Variants in PDE10A observed in about 807,000 individuals in gnomAD.
The protein encoded by PDE10A is cAMP and cAMP-inhibited cGMP 3',5'-cyclic phosphodiesterase 10A.
A neutral mutation model predicts 97.7 loss-of-function variants in PDE10A; 39 were observed. The observed-to-expected ratio is 0.40, with a 90% CI of 0.31 to 0.52. The LOEUF is 0.52. PDE10A is among the 20% of genes least tolerant of loss of function. The probability of loss-of-function intolerance (pLI) is 0.56; values close to 1 mark genes in which losing one functional copy is unlikely to be tolerated. For missense variants in PDE10A, 731 were observed against 1,047.8 expected, an observed-to-expected ratio of 0.70 and a Z score of 4.17; for synonymous variants, 371 against 376.8, an observed-to-expected ratio of 0.98 and a Z score of 0.18.
chr6:165,599,869 C>T (rs942632038), intron 1 of PDE10A, among the ~76,000 whole-genome samples: 6 of 152,130 alleles, frequency 3.9e-5, no homozygotes, highest in Non-Finnish European at 5.9e-5. Flanking sequence ...CGCCTAGGAA[C>T]GCAGTCTTGC....
At chr6:165,639,152 T>C (rs1789013337) in intron 1 of PDE10A, among the ~76,000 whole-genome samples, 1 of 151,748 alleles carries the variant, frequency 6.6e-6, no homozygotes, top group Admixed American at 6.6e-5. Context: ...GATAGTAAAA[T>C]TACCACCATT....
chr6:165,933,988 C>CTT (rs35582422), intron 1 of PDE10A, among the ~76,000 whole-genome samples: 5 of 140,292 alleles, frequency 3.6e-5, no homozygotes, highest in African/African-American at 7.8e-5. Flanking sequence ...CATCAATTCC[C>CTT]TTTTTTTTTT....
Position 165,369,512 on chromosome 6 carries a change from G to A in PDE10A, c.2783+9682C>T, listed in dbSNP as rs1241433656. ...AGATGAAATGAATGAAATGAAGCGA[G>A]AAGGAAGTTTAGAGAAAAAAGAATA... On this transcript the variant is annotated intron_variant, in intron 18 of 21. Transcript: ENST00000539869. Among the ~76,000 whole-genome samples, 203 of 113,300 alleles carry A rather than the reference G, an allele frequency of 1.8e-3. 3 individuals are homozygous for A. The highest frequency in any genetic ancestry group is 8.2e-3 in the African/African-American group (192 of 23,488). The allele number at this position is 113,300 out of a possible 152,430, so 74.3% of individuals were successfully genotyped here. A position where few individuals can be genotyped will look rare whatever the true frequency, so the allele number is the denominator to read the frequency against.
chr6:165,459,562 T>C (rs517833), intron 3 of PDE10A, among the ~76,000 whole-genome samples: 2,634 of 76,256 alleles, frequency 0.035, 40 homozygotes, highest in South Asian at 0.091. Context: ...GACAGACAGA[T>C]AGATAGATAA....
At chr6:165,864,153 C>T (rs555268069) in intron 1 of PDE10A, among the ~76,000 whole-genome samples, 1 of 145,434 alleles carries the variant, frequency 6.9e-6, no homozygotes, top group Admixed American at 7.0e-5. Flanking sequence ...ATTTACTAAA[C>T]AGCAGCCAGC....
intron 1 of PDE10A, among the ~76,000 whole-genome samples, chr6:165,916,285 C>T (rs940902749): frequency 3.3e-5 from 5 of 152,322 alleles, no homozygotes; most frequent in African/African-American, 1.2e-4. Flanking sequence ...AACTTCATGA[C>T]CTAATTCCAA....
At chr6:165,929,557 C>T (rs1026259276) in intron 1 of PDE10A, among the ~76,000 whole-genome samples, 2 of 152,218 alleles carry the variant, frequency 1.3e-5, no homozygotes, top group Admixed American at 6.5e-5. Flanking sequence ...CCGCGACACC[C>T]TATGTGTCCC....
intron 1 of PDE10A, among the ~76,000 whole-genome samples, chr6:165,740,765 TA>T (rs1236024646): frequency 6.6e-6 from 1 of 152,188 alleles, no homozygotes; most frequent in Non-Finnish European, 1.5e-5. Flanking sequence ...TGACCTCACT[TA>T]CACGTAGAAT....
chr6:165,893,195 G>A (rs758240666), intron 1 of PDE10A, among the ~76,000 whole-genome samples: 6 of 152,282 alleles, frequency 3.9e-5, no homozygotes, highest in Non-Finnish European at 5.9e-5. Context: ...TAACCACAGC[G>A]CAGTTATCAA....
chr6:165,489,034 C>T (rs1484312280), intron 2 of PDE10A, among the ~76,000 whole-genome samples: 3 of 152,118 alleles, frequency 2.0e-5, no homozygotes, highest in Non-Finnish European at 4.4e-5. Context: ...GCTGTAGAAA[C>T]CTGAATATTT....
chr6:165,479,046 C>T (rs1779453650), intron 3 of PDE10A, among the ~76,000 whole-genome samples: 2 of 152,182 alleles, frequency 1.3e-5, no homozygotes, highest in South Asian at 4.1e-4. Context: ...CTATTCTGGA[C>T]ACACCTCAGA....
chr6:165,595,950 G>C (rs1786562244), intron 1 of PDE10A, among the ~76,000 whole-genome samples: 1 of 152,146 alleles, frequency 6.6e-6, no homozygotes. Flanking sequence ...TTTGGGGCTG[G>C]GGAGGACAAA....
chr6:165,547,649 C>G (rs987042926), intron 1 of PDE10A, among the ~76,000 whole-genome samples: 3 of 152,094 alleles, frequency 2.0e-5, no homozygotes, highest in Non-Finnish European at 4.4e-5. Context: ...CTGAGTAACT[C>G]TTTTAAAGAA....
At chr6:165,372,445 G>T (rs1364017462) in intron 18 of PDE10A, among the ~76,000 whole-genome samples, 2 of 126,740 alleles carry the variant, frequency 1.6e-5, no homozygotes, top group African/African-American at 6.9e-5. Context: ...CAGACAAACA[G>T]AAAGCCAAAT....
At chr6:165,541,830 A>G (rs1311099020) in intron 2 of PDE10A, among the ~76,000 whole-genome samples, 1 of 152,176 alleles carries the variant, frequency 6.6e-6, no homozygotes, top group Non-Finnish European at 1.5e-5. Flanking sequence ...CTCTCAATCC[A>G]CACTTACAGG....
At chr6:165,635,496 T>C (rs1017204453) in intron 1 of PDE10A, among the ~76,000 whole-genome samples, 2 of 152,172 alleles carry the variant, frequency 1.3e-5, no homozygotes, top group African/African-American at 2.4e-5. Flanking sequence ...TGGGTGTGTG[T>C]GCATGCACGC....
At chr6:165,534,481 C>T (rs1172129865) in intron 2 of PDE10A, among the ~76,000 whole-genome samples, 1 of 151,874 alleles carries the variant, frequency 6.6e-6, no homozygotes, top group Non-Finnish European at 1.5e-5. Context: ...CAAAACCAGA[C>T]AAAAACACAA....
At chr6:165,593,120 T>C (rs1200936119) in intron 1 of PDE10A, among the ~76,000 whole-genome samples, 1 of 152,004 alleles carries the variant, frequency 6.6e-6, no homozygotes, top group African/African-American at 2.4e-5. Flanking sequence ...TATGCAGCCA[T>C]AAAAAAGGGT....
chr6:165,524,575 A>T (rs1782315634), intron 2 of PDE10A, among the ~76,000 whole-genome samples: 2 of 152,158 alleles, frequency 1.3e-5, no homozygotes, highest in South Asian at 4.1e-4. Context: ...AGTTCATTGA[A>T]CAAAGTGATG....
Sources: allele counts gnomAD v4.1 joint callset (sites outside exome capture counted in the v4.1 genomes callset), GRCh38; gene constraint gnomAD v4.1.1; transcripts MANE v1.5; gene names NCBI Gene and HGNC (gene_info 2026-07-23, HGNC 2026-07-21).